The following FER1L6 variants were observed in gnomAD, a reference collection of about 807,000 sequenced individuals.
FER1L6 encodes fer-1-like protein 6.
A neutral mutation model predicts 219.2 loss-of-function variants in FER1L6; 177 were observed. That is an observed-to-expected ratio of 0.81 (90% CI 0.71 to 0.91). The LOEUF is 0.91. Among genes scored for constraint, FER1L6 ranks in the 40% least tolerant of loss-of-function variants. The pLI, the probability that FER1L6 is intolerant of heterozygous loss-of-function variation, is 0.00. For synonymous variants in FER1L6, 768 were observed against 824.3 expected (o/e 0.93, Z 1.17); for missense variants, 2,153 against 2,259.9 (o/e 0.95, Z 0.96).
In FER1L6 at chr8:124,075,442, C is replaced by T. The variant is rs139091910; in HGVS notation, c.4093-756C>T. The stretch of plus-strand genomic sequence containing the variant: ...TGGAAGGTCTTCAAGGGCACTAACA[C>T]GCATGGAGCTGTCATCACTTATAAT... On this transcript the variant is annotated intron_variant, in intron 31 of 40. Transcript: ENST00000522917. 5.2e-3 allele frequency among the ~76,000 whole-genome samples: 788 copies of T among 152,252 alleles called. 7 individuals carry two copies. Among genetic ancestry groups the T allele is most frequent in the African/African-American group, 0.017 (691 of 41,546 alleles).
Position 124,066,625 on chromosome 8 carries a change from A to C in FER1L6, c.3678+75A>C. The C allele has an allele frequency of 2.0e-6, 3 of 1,526,518 alleles. No homozygotes were observed. In the South Asian group the frequency reaches 3.7e-5, roughly 19 times the overall value. 94.6% of individuals were successfully genotyped at this position (1,526,518 alleles called of 1,614,324 possible). A position where few individuals can be genotyped will look rare whatever the true frequency, so the allele number is the denominator to read the frequency against. On this transcript the variant is annotated intron_variant, in intron 27 of 40. Coordinates refer to ENST00000522917, the MANE Select transcript of FER1L6 (RefSeq NM_001039112.2). ...AGCACCTTCTCCTACCCTAAGTCCT[A>C]CATAACCTCCTTTTAAATGCCACTA...
At chr8:123,879,247 G>A (rs192245873) in intron 1 of FER1L6, among the ~76,000 whole-genome samples, 98 of 152,270 alleles carry the variant, frequency 6.4e-4, no homozygotes, top group Non-Finnish European at 1.1e-3. Context: ...AGGCTTCAGT[G>A]AGCTATAATT....
At chr8:124,116,726 T>G (rs1823264493) in intron 39 of FER1L6, among the ~76,000 whole-genome samples, 1 of 152,234 alleles carries the variant, frequency 6.6e-6, no homozygotes. Flanking sequence ...CTGACTCTAC[T>G]TCAAATTAGA....
intron 1 of FER1L6, among the ~76,000 whole-genome samples, chr8:123,894,977 C>T (rs551775967): frequency 5.9e-5 from 9 of 152,244 alleles, no homozygotes; most frequent in South Asian, 4.2e-4. Context: ...GTGAAATATT[C>T]GTTACAAATG....
At chr8:123,953,429 AT>A (rs1034333294) in intron 1 of FER1L6, among the ~76,000 whole-genome samples, 6 of 152,178 alleles carry the variant, frequency 3.9e-5, no homozygotes, top group African/African-American at 1.4e-4. Flanking sequence ...AGATATCAGT[AT>A]TTTTATAAAC....
chr8:123,893,485 T>C (rs572909367), intron 1 of FER1L6, among the ~76,000 whole-genome samples: 2 of 152,340 alleles, frequency 1.3e-5, no homozygotes, highest in East Asian at 3.8e-4. Flanking sequence ...TGAAATACGT[T>C]TTAAATATAT....
intron 1 of FER1L6, among the ~76,000 whole-genome samples, chr8:123,855,708 TACAC>T (rs140178078): frequency 0.43 from 61,471 of 142,632 alleles, 13,329 homozygotes; most frequent in Non-Finnish European, 0.44. Context: ...TGTGTATATG[TACAC>T]ACACACACAC....
At position 123,895,227 on chromosome 8, in the gene FER1L6, T is replaced by C. The variant is rs568593548; in HGVS notation, c.-8+43042T>C. Among the ~76,000 whole-genome samples the C allele has an allele frequency of 2.0e-5, 3 of 152,282 alleles. No individual in the cohort carries two copies. In the East Asian group the frequency reaches 5.8e-4, roughly 29 times the overall value. On this transcript the variant is annotated intron_variant, in intron 1 of 40. Transcript: ENST00000522917. ...TTAGTGACCTGTAATCTTCAAAAAATGTTTTGACAGCATGAAAGTCAAGGA... is the reference window on the plus strand; with the variant it reads ...TTAGTGACCTGTAATCTTCAAAAAACGTTTTGACAGCATGAAAGTCAAGGA...
Position 124,081,605 on chromosome 8 carries a change from C to CAAAAAAAAAAAAA in FER1L6, c.4221-675_4221-663dup, listed in dbSNP as rs1243602409. Among the ~76,000 whole-genome samples, 4 of 53,002 alleles carry CAAAAAAAAAAAAA rather than the reference C, an allele frequency of 7.5e-5. 2 individuals carry two copies. The highest frequency in any genetic ancestry group is 1.2e-4 in the African/African-American group (2 of 16,050). The allele number at this position is 53,002 out of a possible 152,430, so 34.8% of individuals were successfully genotyped here. A position where few individuals can be genotyped will look rare whatever the true frequency, so the allele number is the denominator to read the frequency against. ...GTGCAGGCTCCAGCAATGCAGAGAC[C>CAAAAAAAAAAAAA]AAAAAAAAAAAAAAAAAAAAGGGCA... On this transcript the variant is annotated intron_variant, in intron 32 of 40. Coordinates refer to ENST00000522917, the MANE Select transcript of FER1L6 (RefSeq NM_001039112.2).
intron 1 of FER1L6, among the ~76,000 whole-genome samples, chr8:123,901,378 A>AT (rs1298429086): frequency 1.3e-5 from 2 of 151,972 alleles, no homozygotes; most frequent in African/African-American, 4.8e-5. Flanking sequence ...TAGCGATGTT[A>AT]TTTGGATTTT....
chr8:124,066,636 T>C, intron 27 of FER1L6, 86 bp downstream of exon 27: 1 of 1,456,166 alleles, frequency 6.9e-7, no homozygotes, highest in Admixed American at 2.0e-5. Context: ...CATAACCTCC[T>C]TTTAAATGCC....
intron 19 of FER1L6, among the ~76,000 whole-genome samples, chr8:124,035,683 T>C (rs2130708393): frequency 6.6e-6 from 1 of 152,350 alleles, no homozygotes; most frequent in East Asian, 1.9e-4. Flanking sequence ...TGTTTCTCTG[T>C]TAATAGAGAG....
intron 6 of FER1L6, among the ~76,000 whole-genome samples, chr8:123,972,436 G>A (rs1815860347): frequency 6.6e-6 from 1 of 152,178 alleles, no homozygotes; most frequent in Non-Finnish European, 1.5e-5. Flanking sequence ...GGAACTTACA[G>A]GATTTTATAG....
chr8:123,992,654 AAC>A (rs1234704140), intron 12 of FER1L6, among the ~76,000 whole-genome samples: 2 of 152,174 alleles, frequency 1.3e-5, no homozygotes, highest in Admixed American at 6.5e-5. Flanking sequence ...TATTTAAAGA[AAC>A]AATTTTTTGT....
intron 15 of FER1L6, 37 bp downstream of exon 15, chr8:124,013,568 C>T: frequency 7.1e-7 from 1 of 1,409,560 alleles, no homozygotes; most frequent in South Asian, 1.3e-5. Flanking sequence ...CGGAGCTGAG[C>T]TTCTGTGGTC....
chr8:124,094,846 G>A (rs1482224287), intron 34 of FER1L6, 50 bp from the exon 35 acceptor site: 1 of 1,602,310 alleles, frequency 6.2e-7, no homozygotes, highest in Non-Finnish European at 8.5e-7. Flanking sequence ...GCCCATCACT[G>A]TCTCCTTGCA....
chr8:124,070,440 G>T (rs368473584), intron 29 of FER1L6, 27 bp from the exon 30 acceptor site: 3 of 1,610,658 alleles, frequency 1.9e-6, no homozygotes, highest in East Asian at 2.2e-5. Context: ...CTTCCTCTTA[G>T]CACAATCTTC....
intron 10 of FER1L6, 70 bp downstream of exon 10, chr8:123,977,679 G>C: frequency 6.9e-7 from 1 of 1,443,648 alleles, no homozygotes; most frequent in Non-Finnish European, 9.5e-7. Context: ...TCTTTAAAAG[G>C]GGTGGGCTAG....
At chr8:123,943,976 T>C (rs1334964056) in intron 1 of FER1L6, among the ~76,000 whole-genome samples, 1 of 152,108 alleles carries the variant, frequency 6.6e-6, no homozygotes, top group Non-Finnish European at 1.5e-5. Context: ...GTGATTGATA[T>C]CTAGGAGGTA....
Sources: allele counts gnomAD v4.1 joint callset (sites outside exome capture counted in the v4.1 genomes callset), GRCh38; gene constraint gnomAD v4.1.1; transcripts MANE v1.5; gene names NCBI Gene and HGNC (gene_info 2026-07-23, HGNC 2026-07-21).